The following COL6A6 variants were observed in gnomAD, a reference collection of about 807,000 sequenced individuals.
The protein encoded by COL6A6 is collagen type VI alpha 6 chain, also known as collagen alpha-6(VI) chain.
Under a neutral mutation model 208.6 loss-of-function variants are expected in COL6A6, and 183 were observed. That is an observed-to-expected ratio of 0.88 (90% CI 0.78 to 0.99). COL6A6 has a LOEUF of 0.99. Among genes scored for constraint, COL6A6 ranks in the 50% least tolerant of loss-of-function variants. The pLI, the probability that COL6A6 is intolerant of heterozygous loss-of-function variation, is 0.00. For synonymous variants in COL6A6, 973 were observed against 1,011.8 expected (o/e 0.96, Z 0.73); for missense variants, 2,816 against 2,815.2 (o/e 1.00, Z -0.01).
At chr3:130,555,716 C>G (rs1335515755) in intron 1 of COL6A6, among the ~76,000 whole-genome samples, 1 of 151,974 alleles carries the variant, frequency 6.6e-6, no homozygotes, top group Non-Finnish European at 1.5e-5. Context: ...CTAAGTTTTT[C>G]TTTAAAATCA....
At chr3:130,561,071 G>A (rs2062870587) in intron 2 of COL6A6, among the ~76,000 whole-genome samples, 1 of 152,196 alleles carries the variant, frequency 6.6e-6, no homozygotes, top group Non-Finnish European at 1.5e-5. Context: ...ATCTTCCTTT[G>A]ATGTATCTCT....
chr3:130,626,169 G>C (rs547265084), intron 24 of COL6A6, among the ~76,000 whole-genome samples: 13 of 152,320 alleles, frequency 8.5e-5, no homozygotes, highest in African/African-American at 2.9e-4. Context: ...GCAGAGGCCA[G>C]ATGATTTGCA....
At position 130,604,080 on chromosome 3, in the gene COL6A6, C is replaced by G. The variant is rs183966024; in HGVS notation, c.4654-2851C>G. Among the ~76,000 whole-genome samples, 12 of 152,324 alleles carry G rather than the reference C, an allele frequency of 7.9e-5. No individual in the cohort carries two copies. In the East Asian group the frequency reaches 1.9e-3, roughly 24 times the overall value. The stretch of plus-strand genomic sequence containing the variant: ...AGATATTTTGGAATTTCATCTTTCT[C>G]ATATAAAACACTTGAAAATTTTAGG... On this transcript the variant is annotated intron_variant, in intron 20 of 36. Transcript: ENST00000358511.
rs116042526 is a variant in COL6A6, at chr3:130,575,508, C to G, written c.3547+983C>G. On this transcript the variant is annotated intron_variant, in intron 8 of 36. Transcript: ENST00000358511. ...TCTTTTGGTGATTAATATGTCCATC[C>G]CAGTGTAATGTTAAAACTTTACATT... 8.5e-3 allele frequency among the ~76,000 whole-genome samples: 1,295 copies of G among 152,284 alleles called. 5 individuals are homozygous for G. Among genetic ancestry groups the G allele is most frequent in the Middle Eastern group, 0.024 (7 of 294 alleles).
chr3:130,574,336 C>T lies in COL6A6; in HGVS notation c.3358C>T (p.Gln1120Ter). The T allele has an allele frequency of 6.2e-7, 1 of 1,614,000 alleles. No homozygotes were observed. Among genetic ancestry groups the T allele is most frequent in the Non-Finnish European group, 8.5e-7 (1 of 1,179,890 alleles). The change falls in exon 8 of 37, where the codon CAG (glutamine) becomes TAG (stop). Residue 1120 changes from glutamine (Q) to a stop codon, truncating the protein, a stop_gained. Coordinates refer to ENST00000358511, the MANE Select transcript of COL6A6 (RefSeq NM_001102608.3). LOFTEE classifies it high-confidence loss of function. ...TGGCCAGTCCCAAGACGAGGTGGCC[C>T]AGGCCGCGGAAGCCCTGAGACACAG... Reference protein sequence around the residue: ...TDGQSQDEVAQAAEALRHRGI... With the variant: ...TDGQSQDEVA
At chr3:130,614,904 T>C (rs1424058004) in intron 23 of COL6A6, among the ~76,000 whole-genome samples, 3 of 152,098 alleles carry the variant, frequency 2.0e-5, no homozygotes, top group African/African-American at 7.2e-5. Flanking sequence ...TTCTCTCCTT[T>C]TTTTGTATTG....
chr3:130,525,262 A>G (rs895753536), intron 1 of COL6A6, among the ~76,000 whole-genome samples: 3 of 152,208 alleles, frequency 2.0e-5, no homozygotes, highest in African/African-American at 7.2e-5. Flanking sequence ...CAAAATTTAG[A>G]TTCCTGGATG....
intron 33 of COL6A6, among the ~76,000 whole-genome samples, chr3:130,654,325 T>C (rs997571735): frequency 3.3e-5 from 5 of 152,320 alleles, no homozygotes; most frequent in African/African-American, 4.8e-5. Context: ...ATCCTGATCA[T>C]TGGCAATAAG....
At chr3:130,658,987 T>C (rs908589686) in intron 34 of COL6A6, among the ~76,000 whole-genome samples, 1 of 151,750 alleles carries the variant, frequency 6.6e-6, no homozygotes, top group Non-Finnish European at 1.5e-5. Context: ...AGCAAAAGAG[T>C]TGCATTCCAG....
chr3:130,577,824 A>G (rs2063331690), intron 8 of COL6A6, among the ~76,000 whole-genome samples: 1 of 152,226 alleles, frequency 6.6e-6, no homozygotes, highest in African/African-American at 2.4e-5. Flanking sequence ...AGAGTTAGCT[A>G]ATATCATAGC....
rs78442909 is a variant in COL6A6, at chr3:130,625,282, T to G, written c.4879-1203T>G. ...CTGGTGGTCACTTGTCCATTTTCCCTTATGTTGGTTTTCTGTCCTTAAAAA... is the reference window on the plus strand; with the variant it reads ...CTGGTGGTCACTTGTCCATTTTCCCGTATGTTGGTTTTCTGTCCTTAAAAA... On this transcript the variant is annotated intron_variant, in intron 24 of 36. Transcript: ENST00000358511. Among the ~76,000 whole-genome samples the G allele has an allele frequency of 3.4e-3, 524 of 152,332 alleles. 5 individuals are homozygous for G. Among genetic ancestry groups the G allele is most frequent in the African/African-American group, 0.012 (499 of 41,590 alleles).
intron 12 of COL6A6, among the ~76,000 whole-genome samples, chr3:130,590,407 A>C (rs1476353245): frequency 2.2e-5 from 3 of 135,660 alleles, no homozygotes; most frequent in Non-Finnish European, 3.1e-5. Context: ...GGTGTGCTGC[A>C]CCCATTAACT....
At chr3:130,598,044 CAA>C (rs2063899007) in intron 18 of COL6A6, among the ~76,000 whole-genome samples, 1 of 152,226 alleles carries the variant, frequency 6.6e-6, no homozygotes, top group South Asian at 2.1e-4. Flanking sequence ...GTGGCAGTAA[CAA>C]GAGGGATTTC....
chr3:130,657,723 T>C (rs1478747916), intron 33 of COL6A6, among the ~76,000 whole-genome samples: 1 of 152,186 alleles, frequency 6.6e-6, no homozygotes, highest in Non-Finnish European at 1.5e-5. Context: ...CAGTCAGCTA[T>C]GGTTGAAGAC....
intron 6 of COL6A6, 44 bp from the exon 7 acceptor site, chr3:130,570,774 C>T (rs1320726406): frequency 6.7e-7 from 1 of 1,497,722 alleles, no homozygotes; most frequent in Non-Finnish European, 9.1e-7. Context: ...CCCATGCTGT[C>T]CAAAGCTAAT....
intron 12 of COL6A6, among the ~76,000 whole-genome samples, chr3:130,590,284 TATATATATATATATA>T (rs1235943749): frequency 3.8e-4 from 9 of 23,896 alleles, no homozygotes; most frequent in East Asian, 1.1e-3. Flanking sequence ...TATATATATA[TATATATATATATATA>T]TTTTTTTTTT....
chr3:130,575,967 A>G (rs1235785352), intron 8 of COL6A6, among the ~76,000 whole-genome samples: 1 of 151,972 alleles, frequency 6.6e-6, no homozygotes, highest in Non-Finnish European at 1.5e-5. Flanking sequence ...GCCTCTGGGC[A>G]TCTGCTGATG....
intron 32 of COL6A6, among the ~76,000 whole-genome samples, chr3:130,648,506 G>A (rs1472859133): frequency 6.6e-6 from 1 of 152,198 alleles, no homozygotes; most frequent in African/African-American, 2.4e-5. Context: ...GAGTAATTCA[G>A]ACAGGGTCAC....
At chr3:130,602,444 G>A (rs970355909) in intron 20 of COL6A6, among the ~76,000 whole-genome samples, 2 of 152,128 alleles carry the variant, frequency 1.3e-5, no homozygotes, top group African/African-American at 4.8e-5. Flanking sequence ...AGAAAACCAT[G>A]GGCAAAGGGC....
Sources: gnomAD v4.1 joint callset for allele counts (sites outside exome capture counted in the v4.1 genomes callset) on GRCh38, gnomAD v4.1.1 for gene constraint, MANE v1.5 for transcripts, NCBI Gene and HGNC (gene_info 2026-07-23, HGNC 2026-07-21) for gene names.